The following PIK3C2B variants were observed in gnomAD, a reference collection of about 807,000 sequenced individuals.
PIK3C2B encodes the protein phosphatidylinositol 4-phosphate 3-kinase C2 domain-containing subunit beta.
A neutral mutation model predicts 184.3 loss-of-function variants in PIK3C2B; 83 were observed. The observed-to-expected ratio is 0.45, with a 90% CI of 0.38 to 0.54. PIK3C2B has a LOEUF of 0.54. PIK3C2B is among the 20% of genes least tolerant of loss of function. The pLI is 0.00. For missense variants in PIK3C2B, 1,736 were observed against 2,113.5 expected (o/e 0.82, Z 3.50); for synonymous variants, 779 against 837.6 (o/e 0.93, Z 1.21).
rs61758010 is a variant in PIK3C2B, at chr1:204,428,867, T to C, written c.4399-647A>G. ...AGTGTTTAGGTGATGGATATATAGGTGCTAATTATATTGTTTCTCTACTTT... is the reference window on the plus strand; with the variant it reads ...AGTGTTTAGGTGATGGATATATAGGCGCTAATTATATTGTTTCTCTACTTT... On this transcript the variant is annotated intron_variant, in intron 29 of 32. Coordinates refer to ENST00000684373, the MANE Select transcript of PIK3C2B (RefSeq NM_001377334.1). 1,004 of 454,714 alleles carry C rather than the reference T, an allele frequency of 2.2e-3. 7 individuals carry two copies. Among genetic ancestry groups the C allele is most frequent in the African/African-American group, 0.018 (882 of 49,946 alleles). The allele number at this position is 454,714 out of a possible 1,614,324, so 28.2% of individuals were successfully genotyped here. A position where few individuals can be genotyped will look rare whatever the true frequency, so the allele number is the denominator to read the frequency against.
In PIK3C2B at chr1:204,444,420, G is replaced by C; in HGVS notation, c.2683C>G (p.Pro895Ala). The stretch of plus-strand genomic sequence containing the variant: ...GCCATACGACGCACCTCCTGGTCCG[G>C]GAAGCTGCAAAACAGAGCCCAGTGC... ...DALGLLHATF[P>A]DQEVRRMAVQ... is the part of the protein sequence containing the mutation. Residue 895 changes from proline to alanine, a missense_variant, in exon 17 of 33, where the codon CCG (proline) becomes GCG (alanine). Physicochemically the swap from Pro to Ala is conservative, Grantham distance 27 (BLOSUM62 -1). Transcript: ENST00000684373. 1 of 1,612,056 alleles carries C rather than the reference G, an allele frequency of 6.2e-7. No homozygotes were observed. The highest frequency in any genetic ancestry group is 1.1e-5 in the South Asian group (1 of 90,786).
chr1:204,481,149 A>G (rs1468253148), intron 1 of PIK3C2B, among the ~76,000 whole-genome samples: 2 of 141,234 alleles, frequency 1.4e-5, no homozygotes, highest in African/African-American at 5.5e-5. Context: ...CATACCCCTC[A>G]CACCCTCCCC....
At position 204,457,762 on chromosome 1, in the gene PIK3C2B, G is replaced by A. The variant is rs775338904; in HGVS notation, c.1679C>T (p.Pro560Leu). Residue 560 changes from proline (P) to leucine (L), a missense_variant, in exon 9 of 33, where the codon CCC becomes CTC. Pro to Leu is a moderately conservative substitution (Grantham distance 98). Around this residue, in one of 8 missense-constraint regions of PIK3C2B, gnomAD observed 609 missense variants for 699.2 expected, o/e 0.87. Transcript: ENST00000684373. ...TTTAGGCTGCATGCGGGAGGGGCAGGGGGGCAGCTGGTTGAGAGCACTGGT... is the reference window on the plus strand; with the variant it reads ...TTTAGGCTGCATGCGGGAGGGGCAGAGGGGCAGCTGGTTGAGAGCACTGGT... ...EITSALNQLPPCPSRMQPKIQ... is the reference protein window; with the variant it reads ...EITSALNQLPLCPSRMQPKIQ... The A allele has an allele frequency of 1.9e-6, 3 of 1,612,174 alleles. No individual in the cohort carries two copies. The highest frequency in any genetic ancestry group is 2.7e-5 in the African/African-American group (2 of 74,848).
chr1:204,430,476 GC>G (rs961326216), intron 28 of PIK3C2B, among the ~76,000 whole-genome samples: 18 of 151,784 alleles, frequency 1.2e-4, no homozygotes, highest in African/African-American at 4.4e-4. Context: ...CTCCCCAGTA[GC>G]TGGGATTACA....
At chr1:204,490,016 C>T (rs958540826) in intron 1 of PIK3C2B, 3 of 397,204 alleles carry the variant, frequency 7.6e-6, no homozygotes, top group Non-Finnish European at 1.3e-5. Context: ...CTTAGCGAGG[C>T]TTGAGGAATG....
chr1:204,451,213 C>T (rs1572333561), intron 12 of PIK3C2B, among the ~76,000 whole-genome samples: 1 of 152,228 alleles, frequency 6.6e-6, no homozygotes, highest in African/African-American at 2.4e-5. Context: ...GTTAGCTGAT[C>T]CCTGGACCGC....
intron 20 of PIK3C2B, 127 bp downstream of exon 20, chr1:204,442,399 A>G (rs1675713768): frequency 3.1e-6 from 2 of 638,682 alleles, no homozygotes; most frequent in Non-Finnish European, 2.8e-6. Context: ...CCAAGACCAC[A>G]TGGTAAGTTA....
At chr1:204,434,683 C>T in intron 23 of PIK3C2B, 75 bp from the exon 24 acceptor site, 2 of 1,235,682 alleles carry the variant, frequency 1.6e-6, no homozygotes, top group East Asian at 2.5e-5. Context: ...CACAGCCAGA[C>T]AGAACTCAGC....
In PIK3C2B at chr1:204,430,025, A is replaced by G. The variant is rs766341219; in HGVS notation, c.4294T>C (p.Phe1432Leu). 2.9e-5 allele frequency: 47 copies of G among 1,608,366 alleles called. No homozygotes were observed. Among genetic ancestry groups the G allele is most frequent in the Non-Finnish European group, 3.8e-5 (45 of 1,179,280 alleles). ...SSHLPSFPSR[F>L]VIGRSRGEAV... ...TCTCCCCGGGAGCGGCCGATCACGA[A>G]GCGACTAGGGAAGCTGGCGTGGCAG... Residue 1432 changes from phenylalanine to leucine, a missense_variant, in exon 29 of 33, where the codon TTC becomes CTC. Coordinates refer to ENST00000684373, the MANE Select transcript of PIK3C2B (RefSeq NM_001377334.1).
chr1:204,434,858 A>G (rs1190751102), intron 23 of PIK3C2B, among the ~76,000 whole-genome samples: 2 of 152,234 alleles, frequency 1.3e-5, no homozygotes, highest in African/African-American at 4.8e-5. Context: ...TCATCTGAAT[A>G]CCATCTTCTC....
intron 28 of PIK3C2B, among the ~76,000 whole-genome samples, chr1:204,430,391 G>A (rs902499191): frequency 1.3e-5 from 2 of 151,932 alleles, no homozygotes; most frequent in African/African-American, 4.8e-5. Flanking sequence ...TGTCACCCAG[G>A]CGGGAGTACA....
At chr1:204,492,313 T>C (rs1394899153) in intron 1 of PIK3C2B, among the ~76,000 whole-genome samples, 1 of 152,136 alleles carries the variant, frequency 6.6e-6, no homozygotes, top group Non-Finnish European at 1.5e-5. Context: ...GGTCCACAAA[T>C]TGTCTGTGCT....
chr1:204,484,284 G>A (rs1049667220), intron 1 of PIK3C2B, among the ~76,000 whole-genome samples: 4 of 152,172 alleles, frequency 2.6e-5, no homozygotes, highest in African/African-American at 9.7e-5. Context: ...TTATGGAAGA[G>A]GAAAGTAGAA....
intron 5 of PIK3C2B, among the ~76,000 whole-genome samples, chr1:204,461,341 T>C (rs1655320944): frequency 6.6e-6 from 1 of 152,172 alleles, no homozygotes. Flanking sequence ...AGAGAAGGCC[T>C]AGGAGCCCTC....
chr1:204,446,193 G>A (rs988041520), intron 15 of PIK3C2B, 49 bp from the exon 16 acceptor site: 2 of 1,360,848 alleles, frequency 1.5e-6, no homozygotes, highest in African/African-American at 2.9e-5. Flanking sequence ...AGGGGGCAGT[G>A]AGAGAGAACA....
Position 204,447,631 on chromosome 1 carries a change from C to A in PIK3C2B, c.2347-53G>T. On this transcript the variant is annotated intron_variant, in intron 14 of 32. Transcript: ENST00000684373. The surrounding 1 kb of genome is among the most constrained non-coding windows in gnomAD (Gnocchi z 4.1). ...AGAGAAAACAGGCAGCGTGTGTGGA[C>A]TCCCAGCTTCTTTCTCTCACCCCAG... 7.5e-7 allele frequency: 1 copy of A among 1,330,158 alleles called. No homozygotes were observed. Among genetic ancestry groups the A allele is most frequent in the South Asian group, 1.2e-5 (1 of 83,226 alleles). The allele number at this position is 1,330,158 out of a possible 1,614,324, so 82.4% of individuals were successfully genotyped here.
intron 1 of PIK3C2B, among the ~76,000 whole-genome samples, chr1:204,477,749 C>T (rs1656825350): frequency 6.6e-6 from 1 of 152,204 alleles, no homozygotes; most frequent in Admixed American, 6.5e-5. Context: ...TCTGGGTCAT[C>T]TCTTCCCCAT....
Position 204,447,724 on chromosome 1 carries a change from G to T in PIK3C2B, c.2347-146C>A. On this transcript the variant is annotated intron_variant, in intron 14 of 32. Transcript: ENST00000684373. This position sits in a 1 kb window ranked among gnomAD's most constrained non-coding sequence, Gnocchi z 4.1. Reference sequence around the variant, plus strand: ...GTAAAATAGCCCTGTTAGACTTGGTGATCTCTAAAGTCCTTTCCAGCTATA... The same window carrying T: ...GTAAAATAGCCCTGTTAGACTTGGTTATCTCTAAAGTCCTTTCCAGCTATA... 1.7e-6 allele frequency: 1 copy of T among 603,596 alleles called. No individual in the cohort carries two copies. The highest frequency in any genetic ancestry group is 2.9e-6 in the Non-Finnish European group (1 of 340,328). The allele number at this position is 603,596 out of a possible 1,614,324, so 37.4% of individuals were successfully genotyped here.
At chr1:204,452,651 CTTTTTTTTTT>C (rs371699160) in intron 12 of PIK3C2B, among the ~76,000 whole-genome samples, 1 of 92,376 alleles carries the variant, frequency 1.1e-5, no homozygotes, top group South Asian at 4.6e-4. Context: ...ACCCCATGTC[CTTTTTTTTTT>C]TTTTTTTTTT....
Sources: allele counts gnomAD v4.1 joint callset (sites outside exome capture counted in the v4.1 genomes callset), GRCh38; gene constraint gnomAD v4.1.1; regional missense constraint gnomAD v4.1.1; non-coding constraint Gnocchi (gnomAD v3.1); transcripts MANE v1.5; gene names NCBI Gene and HGNC (gene_info 2026-07-23, HGNC 2026-07-21).